The following TYR variants were observed in gnomAD, a reference collection of about 807,000 sequenced individuals.
TYR encodes tyrosinase, also known as LB24-AB.
Under a neutral mutation model 51.5 loss-of-function variants are expected in TYR, and 58 were observed. That is an observed-to-expected ratio of 1.13 (90% CI 0.91 to 1.40). TYR has a LOEUF of 1.40. Among genes scored for constraint, TYR ranks in the 40% most tolerant of loss-of-function variants. TYR has a pLI of 0.00. For missense variants in TYR, 732 were observed against 647.4 expected, an observed-to-expected ratio of 1.13 and a Z score of -1.42; for synonymous variants, 263 against 235.2, an observed-to-expected ratio of 1.12 and a Z score of -1.08.
chr11:89,289,584 T>C (rs867986193), intron 4 of TYR, among the ~76,000 whole-genome samples: 37 of 152,052 alleles, frequency 2.4e-4, no homozygotes, highest in Middle Eastern at 6.8e-3. Context: ...AAAAGGTAAA[T>C]GAGACAGAGT....
chr11:89,194,021 A>G (rs1372397187), intron 2 of TYR, among the ~76,000 whole-genome samples: 1 of 152,152 alleles, frequency 6.6e-6, no homozygotes, highest in African/African-American at 2.4e-5. Flanking sequence ...TAAACTCTAT[A>G]TTGATATAAT....
chr11:89,218,135 C>T (rs963244537), intron 2 of TYR, among the ~76,000 whole-genome samples: 5 of 152,036 alleles, frequency 3.3e-5, no homozygotes, highest in African/African-American at 7.2e-5. Context: ...AGGCCTATAA[C>T]ATAAAAACAT....
At chr11:89,198,967 G>A (rs775850161) in intron 2 of TYR, among the ~76,000 whole-genome samples, 57 of 151,918 alleles carry the variant, frequency 3.8e-4, no homozygotes, top group Non-Finnish European at 6.3e-4. Flanking sequence ...GTGTCCAAGC[G>A]TTCTCATTGT....
intron 3 of TYR, among the ~76,000 whole-genome samples, chr11:89,281,726 A>G (rs1323320529): frequency 6.6e-6 from 1 of 151,780 alleles, no homozygotes; most frequent in Admixed American, 6.6e-5. Context: ...TATTTTAAGG[A>G]TAAGGGTGAC....
chr11:89,271,063 T>C (rs1944582634), intron 3 of TYR, among the ~76,000 whole-genome samples: 1 of 151,898 alleles, frequency 6.6e-6, no homozygotes, highest in Non-Finnish European at 1.5e-5. Flanking sequence ...GCAAAAGATG[T>C]AGGAGAATAT....
chr11:89,289,781 C>T (rs940627215), intron 4 of TYR, among the ~76,000 whole-genome samples: 1 of 151,844 alleles, frequency 6.6e-6, no homozygotes, highest in African/African-American at 2.4e-5. Context: ...CCAAATGTCA[C>T]AAGGCAGCAA....
chr11:89,280,449 T>C (rs565210572), intron 3 of TYR, among the ~76,000 whole-genome samples: 2 of 151,748 alleles, frequency 1.3e-5, no homozygotes, highest in South Asian at 4.1e-4. Context: ...ACAACACTGT[T>C]GGAGTGTTTT....
Position 89,295,364 on chromosome 11 carries a change from T to A in TYR, c.1588T>A (p.Ter530LysextTer3), listed in dbSNP as rs2135332829. The change falls in exon 5 of 5, where the codon TAA (stop) becomes AAA (lysine). Residue 530 changes from the stop codon to lysine, a stop_lost. Coordinates refer to ENST00000263321, the MANE Select transcript of TYR (RefSeq NM_000372.5). The stretch of plus-strand genomic sequence containing the variant: ...CCACAGCTTGTATCAGAGCCATTTA[T>A]AAAAGGCTTAGGCAATAGAGTAGGG... ...DYHSLYQSHL[*>K] is the part of the protein sequence containing the mutation. The A allele has an allele frequency of 4.4e-6, 7 of 1,604,188 alleles. No individual in the cohort carries two copies. Among genetic ancestry groups the A allele is most frequent in the Non-Finnish European group, 5.1e-6 (6 of 1,173,122 alleles).
intron 4 of TYR, among the ~76,000 whole-genome samples, chr11:89,288,991 T>G (rs1329974232): frequency 6.6e-6 from 1 of 152,066 alleles, no homozygotes; most frequent in African/African-American, 2.4e-5. Flanking sequence ...AAAAGGCAGC[T>G]GATGTCTGCC....
intron 2 of TYR, among the ~76,000 whole-genome samples, chr11:89,227,371 C>T (rs747184283): frequency 1.4e-4 from 21 of 152,242 alleles, no homozygotes; most frequent in Non-Finnish European, 2.2e-4. Context: ...ACAAATTTTA[C>T]GCTTTCTCTG....
intron 3 of TYR, among the ~76,000 whole-genome samples, chr11:89,268,821 A>G (rs1358202777): frequency 4.0e-5 from 6 of 151,730 alleles, no homozygotes; most frequent in South Asian, 2.1e-4. Context: ...ACTGCTCTAC[A>G]TTGCATCCCA....
chr11:89,190,638 C>T (rs915387964), intron 1 of TYR, among the ~76,000 whole-genome samples: 22 of 151,548 alleles, frequency 1.5e-4, no homozygotes, highest in Middle Eastern at 3.2e-3. Context: ...TTAATGTAGC[C>T]GATATATATA....
chr11:89,215,938 T>C (rs1181134696), intron 2 of TYR, among the ~76,000 whole-genome samples: 2 of 152,198 alleles, frequency 1.3e-5, no homozygotes, highest in East Asian at 1.9e-4. Flanking sequence ...TTGTTAAACA[T>C]AGAAAACCTC....
At chr11:89,237,026 G>A (rs1047389319) in intron 3 of TYR, among the ~76,000 whole-genome samples, 8 of 152,088 alleles carry the variant, frequency 5.3e-5, no homozygotes, top group South Asian at 4.1e-4. Context: ...AATGGTACAC[G>A]TCAGGGCTTT....
chr11:89,295,176 A>C lies in TYR; in HGVS notation c.1400A>C (p.Tyr467Ser), dbSNP rs531818861. 2.0e-5 allele frequency: 32 copies of C among 1,613,876 alleles called. No individual in the cohort carries two copies. The highest frequency in any genetic ancestry group is 2.7e-5 in the Non-Finnish European group (32 of 1,179,878). Reference protein sequence around the residue: ...PDSFQDYIKSYLEQASRIWSW... With the variant: ...PDSFQDYIKSSLEQASRIWSW... ...TCTTTTCAAGACTACATTAAGTCCT[A>C]TTTGGAACAAGCGAGTCGGATCTGG... Residue 467 changes from tyrosine to serine, a missense_variant, in exon 5 of 5, where the codon TAT (tyrosine) becomes TCT (serine). Coordinates refer to ENST00000263321, the MANE Select transcript of TYR (RefSeq NM_000372.5).
intron 3 of TYR, among the ~76,000 whole-genome samples, chr11:89,260,658 G>A (rs1944446607): frequency 6.6e-6 from 1 of 152,062 alleles, no homozygotes; most frequent in African/African-American, 2.4e-5. Context: ...AAATTTAAAA[G>A]ACTACAAAAA....
At chr11:89,188,238 A>G (rs1404204114) in intron 1 of TYR, among the ~76,000 whole-genome samples, 1 of 151,872 alleles carries the variant, frequency 6.6e-6, no homozygotes, top group Admixed American at 6.6e-5. Flanking sequence ...ATAGACATTA[A>G]ATCTTCATGA....
intron 2 of TYR, 66 bp downstream of exon 2, chr11:89,191,484 T>C: frequency 6.8e-7 from 1 of 1,474,738 alleles, no homozygotes. Context: ...TTATCCAAAG[T>C]CCTAGGAGGT....
At chr11:89,252,030 C>CA (rs1356455371) in intron 3 of TYR, among the ~76,000 whole-genome samples, 4 of 151,806 alleles carry the variant, frequency 2.6e-5, no homozygotes, top group Non-Finnish European at 5.9e-5. Flanking sequence ...ATCCTCACTA[C>CA]AAAATGAGGA....
Sources: gnomAD v4.1 joint callset for allele counts (sites outside exome capture counted in the v4.1 genomes callset) on GRCh38, gnomAD v4.1.1 for gene constraint, MANE v1.5 for transcripts, NCBI Gene and HGNC (gene_info 2026-07-23, HGNC 2026-07-21) for gene names.